CSMD1: variants seen among roughly 807,000 people sequenced by gnomAD.
The protein encoded by CSMD1 is CUB and Sushi multiple domains 1.
CSMD1 carries 213 observed loss-of-function variants against 417.5 expected under a neutral mutation model. The observed-to-expected ratio is 0.51, with a 90% CI of 0.46 to 0.57. The LOEUF (loss-of-function observed/expected upper bound fraction) is 0.57. CSMD1 is among the 20% of genes least tolerant of loss of function. The pLI is 0.00. For missense variants in CSMD1, 6,923 were observed against 4,529.7 expected (o/e 1.53, Z -15.17); for synonymous variants, 2,862 against 1,736.8 (o/e 1.65, Z -16.11).
At chr8:4,445,718 G>C (rs1181246683) in intron 2 of CSMD1, among the ~76,000 whole-genome samples, 1 of 152,130 alleles carries the variant, frequency 6.6e-6, no homozygotes, top group Non-Finnish European at 1.5e-5. Context: ...TCTATTTGGG[G>C]GCGTAACGTT....
chr8:4,964,311 C>G (rs912388021), intron 1 of CSMD1, among the ~76,000 whole-genome samples: 7 of 151,452 alleles, frequency 4.6e-5, no homozygotes, highest in Admixed American at 4.6e-4. Context: ...TCCCAAAGTT[C>G]AACACCAGCA....
At chr8:3,795,027 A>G (rs1380994067) in intron 5 of CSMD1, among the ~76,000 whole-genome samples, 1 of 151,586 alleles carries the variant, frequency 6.6e-6, no homozygotes, top group East Asian at 1.9e-4. Context: ...TATCATATAT[A>G]GCTATAGATA....
chr8:2,961,946 A>G (rs1192322454), intron 61 of CSMD1, among the ~76,000 whole-genome samples: 2 of 152,246 alleles, frequency 1.3e-5, no homozygotes, highest in Non-Finnish European at 2.9e-5. Flanking sequence ...TTTCTTTAAT[A>G]CTATATTTTC....
chr8:4,304,759 A>G (rs1046936830), intron 3 of CSMD1, among the ~76,000 whole-genome samples: 1 of 152,204 alleles, frequency 6.6e-6, no homozygotes, highest in Non-Finnish European at 1.5e-5. Flanking sequence ...CAAAAAATAA[A>G]TATACATTAC....
At chr8:3,558,892 T>G (rs116605981) in intron 10 of CSMD1, among the ~76,000 whole-genome samples, 2 of 152,044 alleles carry the variant, frequency 1.3e-5, no homozygotes, top group Non-Finnish European at 2.9e-5. Flanking sequence ...TTGCTCAAGG[T>G]GTCTGAAAAG....
intron 10 of CSMD1, among the ~76,000 whole-genome samples, chr8:3,499,396 G>A (rs1330811477): frequency 5.3e-5 from 8 of 152,100 alleles, no homozygotes; most frequent in Admixed American, 4.6e-4. Flanking sequence ...AGCCATCTCT[G>A]CTTCTCAGTG....
chr8:4,654,783 G>C (rs1279551456), intron 1 of CSMD1, among the ~76,000 whole-genome samples: 1 of 151,944 alleles, frequency 6.6e-6, no homozygotes, highest in Non-Finnish European at 1.5e-5. Context: ...TGTGTACACA[G>C]GCAGACAACT....
intron 8 of CSMD1, among the ~76,000 whole-genome samples, chr8:3,595,359 G>A (rs551319149): frequency 1.1e-4 from 17 of 152,188 alleles, no homozygotes; most frequent in African/African-American, 2.4e-4. Context: ...TTTATTACCC[G>A]TTTGACTTTC....
At chr8:4,083,226 C>G (rs1045842166) in intron 3 of CSMD1, among the ~76,000 whole-genome samples, 15 of 152,214 alleles carry the variant, frequency 9.9e-5, no homozygotes, top group Middle Eastern at 3.4e-3. Flanking sequence ...TTTACAGGCC[C>G]ACCAACAGTG....
intron 25 of CSMD1, among the ~76,000 whole-genome samples, chr8:3,293,232 G>A (rs892782512): frequency 6.6e-6 from 1 of 152,144 alleles, no homozygotes; most frequent in Non-Finnish European, 1.5e-5. Context: ...TGGGTAACCG[G>A]ACCTTTCTCT....
intron 23 of CSMD1, among the ~76,000 whole-genome samples, chr8:3,337,992 C>T (rs541281953): frequency 6.6e-6 from 1 of 152,310 alleles, no homozygotes; most frequent in African/African-American, 2.4e-5. Context: ...GTAGACACTT[C>T]TCTAGCTTCC....
intron 3 of CSMD1, among the ~76,000 whole-genome samples, chr8:4,286,279 T>G (rs1585160296): frequency 6.6e-6 from 1 of 152,276 alleles, no homozygotes; most frequent in Admixed American, 6.5e-5. Flanking sequence ...TTGCTTCTAC[T>G]TAGTGCTATC....
chr8:3,430,844 A>G (rs547693665), intron 12 of CSMD1, among the ~76,000 whole-genome samples: 2 of 152,282 alleles, frequency 1.3e-5, no homozygotes, highest in South Asian at 4.1e-4. Context: ...AGCTCTTTGT[A>G]AATATATAAG....
rs187272915 is a variant in CSMD1, at chr8:3,263,549, G to C, written c.4153+20595C>G. 2.0e-5 allele frequency among the ~76,000 whole-genome samples: 3 copies of C among 152,162 alleles called. No individual in the cohort carries two copies. In the East Asian group the frequency reaches 5.8e-4, roughly 29 times the overall value. The stretch of plus-strand genomic sequence containing the variant: ...GGTCTATAGTAAATGTTCATTTTTG[G>C]TAATACATTCAAGTAATTTTTGAAA... On this transcript the variant is annotated intron_variant, in intron 26 of 69. Coordinates refer to ENST00000635120, the MANE Select transcript of CSMD1 (RefSeq NM_033225.6).
At chr8:3,693,906 C>G (rs775989458) in intron 7 of CSMD1, among the ~76,000 whole-genome samples, 2 of 146,178 alleles carry the variant, frequency 1.4e-5, no homozygotes, top group Non-Finnish European at 3.0e-5. Flanking sequence ...GTGTTGGCGT[C>G]TTGTGTGTGT....
chr8:3,332,297 G>A (rs1006625502), intron 23 of CSMD1, among the ~76,000 whole-genome samples: 5 of 152,232 alleles, frequency 3.3e-5, no homozygotes, highest in African/African-American at 1.2e-4. Flanking sequence ...ATGTGAATAA[G>A]ACCCTCTTGT....
At chr8:4,956,750 C>T (rs1435020627) in intron 1 of CSMD1, among the ~76,000 whole-genome samples, 1 of 152,064 alleles carries the variant, frequency 6.6e-6, no homozygotes, top group East Asian at 1.9e-4. Context: ...GGAAAATATT[C>T]CAGGGAATGG....
chr8:3,092,463 G>T (rs1431909442), intron 47 of CSMD1, among the ~76,000 whole-genome samples: 1 of 152,134 alleles, frequency 6.6e-6, no homozygotes, highest in Non-Finnish European at 1.5e-5. Flanking sequence ...TCCAACTTCA[G>T]AATACTAACT....
chr8:4,658,123 C>A (rs1353937949), intron 1 of CSMD1, among the ~76,000 whole-genome samples: 1 of 151,814 alleles, frequency 6.6e-6, no homozygotes, highest in Admixed American at 6.6e-5. Context: ...TGAAACATAA[C>A]AATATATGCA....
Sources: allele counts gnomAD v4.1 joint callset (sites outside exome capture counted in the v4.1 genomes callset), GRCh38; gene constraint gnomAD v4.1.1; transcripts MANE v1.5; gene names NCBI Gene and HGNC (gene_info 2026-07-23, HGNC 2026-07-21).